The following CDH18 variants were observed in gnomAD, a reference collection of about 807,000 sequenced individuals.
The protein encoded by CDH18 is cadherin 18, also known as cadherin-18.
CDH18 carries 31 observed loss-of-function variants against 67.9 expected under a neutral mutation model. The observed-to-expected ratio is 0.46, with a 90% CI of 0.34 to 0.62. CDH18 has a LOEUF of 0.62. CDH18 is among the 20% of genes least tolerant of loss of function. The probability of loss-of-function intolerance (pLI) is 0.01; values close to 1 mark genes in which losing one functional copy is unlikely to be tolerated. For missense variants in CDH18, 890 were observed against 975.5 expected (o/e 0.91, Z 1.17); for synonymous variants, 362 against 347.2 (o/e 1.04, Z -0.48).
At chr5:19,899,850 C>T (rs527432629) in intron 2 of CDH18, among the ~76,000 whole-genome samples, 2 of 152,178 alleles carry the variant, frequency 1.3e-5, no homozygotes, top group Admixed American at 1.3e-4. Flanking sequence ...AGGACAAATA[C>T]TGCATGATTC....
At chr5:20,464,809 T>TTGTCTGTGGG (rs1751525808) in intron 1 of CDH18, among the ~76,000 whole-genome samples, 4 of 152,098 alleles carry the variant, frequency 2.6e-5, no homozygotes, top group African/African-American at 9.6e-5. Context: ...ATGCTATAAA[T>TTGTCTGTGGG]AAAACCCTGG....
At chr5:19,588,102 T>G (rs188004347) in intron 7 of CDH18, among the ~76,000 whole-genome samples, 24 of 152,172 alleles carry the variant, frequency 1.6e-4, no homozygotes, top group African/African-American at 5.5e-4. Flanking sequence ...ATTGTTGGTG[T>G]ATAGGAATGC....
At chr5:20,352,375 C>A (rs1490175300) in intron 1 of CDH18, among the ~76,000 whole-genome samples, 2 of 151,522 alleles carry the variant, frequency 1.3e-5, no homozygotes, top group Non-Finnish European at 2.9e-5. Flanking sequence ...GGGGGGAAGT[C>A]AAAAATTATA....
chr5:19,687,979 G>C (rs1189394844), intron 5 of CDH18, among the ~76,000 whole-genome samples: 2 of 152,150 alleles, frequency 1.3e-5, no homozygotes, highest in East Asian at 3.9e-4. Context: ...TACTGCCCAA[G>C]GGCCTGGGAA....
intron 3 of CDH18, among the ~76,000 whole-genome samples, chr5:19,818,853 GT>G (rs1262864676): frequency 6.6e-6 from 1 of 152,110 alleles, no homozygotes; most frequent in African/African-American, 2.4e-5. Flanking sequence ...ACTATAATTT[GT>G]TTCAGGAGAA....
chr5:20,197,245 C>T (rs1320217939), intron 2 of CDH18, among the ~76,000 whole-genome samples: 1 of 152,156 alleles, frequency 6.6e-6, no homozygotes, highest in African/African-American at 2.4e-5. Context: ...CTCCTGAGCT[C>T]AGGCAATCTG....
At position 19,981,586 on chromosome 5, in the gene CDH18, A is replaced by G. The variant is rs149166347; in HGVS notation, c.-375-408T>C. Among the ~76,000 whole-genome samples the G allele has an allele frequency of 8.6e-4, 131 of 152,272 alleles. 4 individuals are homozygous for G. In the East Asian group the frequency reaches 0.021, roughly 24 times the overall value. Reference sequence around the variant, plus strand: ...AATAAGGGCTGTAATTCACATCCTTATGACCTAAGCATTTTTCAAAAGATG... The same window carrying G: ...AATAAGGGCTGTAATTCACATCCTTGTGACCTAAGCATTTTTCAAAAGATG... On this transcript the variant is annotated intron_variant, in intron 1 of 12. Transcript: ENST00000382275.
chr5:20,353,564 A>G (rs1406626236), intron 1 of CDH18, among the ~76,000 whole-genome samples: 1 of 152,150 alleles, frequency 6.6e-6, no homozygotes, highest in Non-Finnish European at 1.5e-5. Flanking sequence ...TACATATTGT[A>G]TTTTATTAGA....
chr5:20,401,808 T>C (rs1745793779), intron 1 of CDH18, among the ~76,000 whole-genome samples: 1 of 152,210 alleles, frequency 6.6e-6, no homozygotes, highest in Non-Finnish European at 1.5e-5. Context: ...CTGGTTTTGA[T>C]GTTTCCAGTA....
intron 2 of CDH18, among the ~76,000 whole-genome samples, chr5:20,095,447 A>AAAGAAAG (rs1561786307): frequency 7.2e-5 from 8 of 111,558 alleles, no homozygotes; most frequent in Non-Finnish European, 1.1e-4. Context: ...AAGAAAGAAA[A>AAAGAAAG]GAAAGAAAGA....
intron 2 of CDH18, among the ~76,000 whole-genome samples, chr5:19,926,146 A>T (rs1227240744): frequency 6.6e-6 from 1 of 152,108 alleles, no homozygotes; most frequent in Non-Finnish European, 1.5e-5. Context: ...TTATTGAAAA[A>T]AATTGCATAT....
intron 2 of CDH18, among the ~76,000 whole-genome samples, chr5:20,241,905 T>TATATACATATATATATATATAA (rs369967608): frequency 1.4e-4 from 20 of 141,452 alleles, no homozygotes; most frequent in African/African-American, 5.6e-4. Flanking sequence ...TATATATATA[T>TATATACATATATATATATATAA]ATATTGCTTA....
chr5:20,218,381 A>T (rs886226982), intron 2 of CDH18, among the ~76,000 whole-genome samples: 2 of 152,084 alleles, frequency 1.3e-5, no homozygotes, highest in African/African-American at 4.8e-5. Context: ...AAACTATGCA[A>T]ATACATGGAA....
chr5:20,575,352 T>A (rs1257917809), intron 1 of CDH18: 1 of 152,140 alleles, frequency 6.6e-6, no homozygotes, highest in Non-Finnish European at 1.5e-5. Context: ...TGTATAGAAT[T>A]TACTTTAATG....
intron 2 of CDH18, among the ~76,000 whole-genome samples, chr5:20,124,717 T>C (rs1231370710): frequency 6.6e-6 from 1 of 152,188 alleles, no homozygotes; most frequent in Non-Finnish European, 1.5e-5. Flanking sequence ...GCATTTGTGT[T>C]GCTTTTGTTT....
At chr5:19,781,330 AC>A (rs999140747) in intron 3 of CDH18, among the ~76,000 whole-genome samples, 3 of 152,172 alleles carry the variant, frequency 2.0e-5, no homozygotes, top group African/African-American at 4.8e-5. Flanking sequence ...TAGAAAAAAA[AC>A]ACTCATTTAA....
chr5:20,413,692 T>C (rs912360504), intron 1 of CDH18, among the ~76,000 whole-genome samples: 3 of 152,192 alleles, frequency 2.0e-5, no homozygotes, highest in African/African-American at 7.2e-5. Context: ...GTTTAAGTTC[T>C]TTGTAGGTTC....
intron 5 of CDH18, among the ~76,000 whole-genome samples, chr5:19,669,854 AAC>A (rs1161434523): frequency 5.3e-5 from 8 of 152,186 alleles, no homozygotes; most frequent in Non-Finnish European, 8.8e-5. Flanking sequence ...TACAATGGTT[AAC>A]ACAACAGAAA....
chr5:19,543,282 T>A (rs1304500188), intron 9 of CDH18, among the ~76,000 whole-genome samples: 2 of 152,122 alleles, frequency 1.3e-5, no homozygotes, highest in Non-Finnish European at 2.9e-5. Context: ...TGTTGTTTCC[T>A]GAGCTTAGGT....
Sources: allele counts gnomAD v4.1 joint callset (sites outside exome capture counted in the v4.1 genomes callset), GRCh38; gene constraint gnomAD v4.1.1; transcripts MANE v1.5; gene names NCBI Gene and HGNC (gene_info 2026-07-23, HGNC 2026-07-21).